Variants in MLXIPL observed in about 807,000 individuals in gnomAD.
MLXIPL encodes carbohydrate-responsive element-binding protein.
A neutral mutation model predicts 81.5 loss-of-function variants in MLXIPL; 49 were observed. The ratio of observed to expected loss-of-function variants is 0.60; its 90% CI spans 0.48 to 0.76. The LOEUF is 0.76. Ranked by LOEUF, MLXIPL falls within the 30% of genes least tolerant of loss-of-function variation. MLXIPL has a pLI of 0.00. For synonymous variants in MLXIPL, 466 were observed against 485.5 expected (o/e 0.96, Z 0.53); for missense variants, 1,053 against 1,167.0 (o/e 0.90, Z 1.42).
intron 1 of MLXIPL, among the ~76,000 whole-genome samples, chr7:73,620,848 C>T (rs562368965): frequency 6.6e-6 from 1 of 151,842 alleles, no homozygotes; most frequent in Non-Finnish European, 1.5e-5. Flanking sequence ...GTCAGGGGTT[C>T]GAGACCAGCC....
At chr7:73,631,809 TCTC>T in the MLXIPL span, among the ~76,000 whole-genome samples, 2 of 142,834 alleles carry the variant, frequency 1.4e-5, no homozygotes, top group Non-Finnish European at 3.1e-5. Context: ...TCCACTCCCT[TCTC>T]CTCTCTTCTC....
intron 2 of MLXIPL, among the ~76,000 whole-genome samples, chr7:73,612,642 CAAA>C (rs11343007): frequency 1.1e-4 from 12 of 113,024 alleles, no homozygotes; most frequent in Admixed American, 2.9e-4. Context: ...ACCCCCATCT[CAAA>C]AAAAAAAAAA....
At chr7:73,630,233 G>A in the MLXIPL span, among the ~76,000 whole-genome samples, 2 of 147,506 alleles carry the variant, frequency 1.4e-5, no homozygotes, top group Non-Finnish European at 3.0e-5. Flanking sequence ...TCTTGACCTC[G>A]TTATCTGCCC....
intron 1 of MLXIPL, among the ~76,000 whole-genome samples, chr7:73,619,317 C>T (rs1200527245): frequency 2.6e-5 from 4 of 151,932 alleles, no homozygotes; most frequent in Admixed American, 1.3e-4. Context: ...AAAAATTAGC[C>T]GGACGTGGTG....
the MLXIPL span, among the ~76,000 whole-genome samples, chr7:73,640,543 G>A: frequency 6.6e-6 from 1 of 152,100 alleles, no homozygotes; most frequent in Non-Finnish European, 1.5e-5. Flanking sequence ...TTGGGAGGCT[G>A]AGGCATGTGG....
chr7:73,640,215 G>A, the MLXIPL span, among the ~76,000 whole-genome samples: 10 of 151,340 alleles, frequency 6.6e-5, no homozygotes, highest in Non-Finnish European at 1.3e-4. Context: ...GACCAGCCTG[G>A]GCAACATGGC....
intron 7 of MLXIPL, among the ~76,000 whole-genome samples, chr7:73,601,614 T>C (rs1794830122): frequency 6.6e-6 from 1 of 152,126 alleles, no homozygotes; most frequent in African/African-American, 2.4e-5. Flanking sequence ...CACTGCAACC[T>C]CCACCTCCTG....
chr7:73,596,410 G>C lies in MLXIPL; in HGVS notation c.1892C>G (p.Ser631Cys), dbSNP rs368272974. The C allele has an allele frequency of 1.2e-6, 2 of 1,612,850 alleles. No homozygotes were observed. Among genetic ancestry groups the C allele is most frequent in the African/African-American group, 2.7e-5 (2 of 74,850 alleles). The stretch of plus-strand genomic sequence containing the variant: ...CCGGCTGAGGATGGGTTGCGGGGGA[G>C]AGACACGGACGCTCAGAGTCCCAGG... Reference protein sequence around the residue: ...PGPGTLSVRVSPPQPILSRGR... With the variant: ...PGPGTLSVRVCPPQPILSRGR... The change falls in exon 12 of 17, where the codon TCT becomes TGT. Residue 631 changes from serine to cysteine, a missense_variant. By Grantham distance (112) the Ser-to-Cys change is moderately radical. Transcript: ENST00000313375. The surrounding 1 kb of genome is among the most constrained non-coding windows in gnomAD (Gnocchi z 4.7).
At chr7:73,603,822 T>C (rs1406557673) in intron 7 of MLXIPL, among the ~76,000 whole-genome samples, 1 of 152,186 alleles carries the variant, frequency 6.6e-6, no homozygotes, top group Non-Finnish European at 1.5e-5. Flanking sequence ...TGTCCACATG[T>C]GCTTCTACTG....
intron 1 of MLXIPL, among the ~76,000 whole-genome samples, chr7:73,619,171 T>G (rs1295448448): frequency 6.6e-6 from 1 of 151,916 alleles, no homozygotes; most frequent in Non-Finnish European, 1.5e-5. Context: ...AGTTAAAAAG[T>G]TAGCTGGGGC....
chr7:73,595,805 G>A lies in MLXIPL; in HGVS notation c.2186+37C>T, dbSNP rs1554593467. On this transcript the variant is annotated intron_variant, in intron 14 of 16. Coordinates refer to ENST00000313375, the MANE Select transcript of MLXIPL (RefSeq NM_032951.3). ...CAGGGGCTGGGGGTAAGGCGGCATG[G>A]CCCCCTGGTCCCAGCACCCGCCTGG... 3 of 1,583,424 alleles carry A rather than the reference G, an allele frequency of 1.9e-6. No homozygotes were observed. In the African/African-American group the frequency reaches 4.0e-5, roughly 21 times the overall value.
intron 9 of MLXIPL, 73 bp downstream of exon 9, chr7:73,597,109 C>G (rs1003982657): frequency 2.0e-6 from 3 of 1,506,532 alleles, no homozygotes; most frequent in Admixed American, 3.9e-5. Context: ...ATCTTCTGCT[C>G]CCAAAACCCC....
chr7:73,615,939 G>T, intron 2 of MLXIPL, 132 bp downstream of exon 2: 2 of 628,602 alleles, frequency 3.2e-6, no homozygotes, highest in Non-Finnish European at 2.8e-6. Flanking sequence ...AAAAAAGGTT[G>T]GCAGAACTCT....
At chr7:73,604,875 C>T (rs2116330023) in intron 7 of MLXIPL, among the ~76,000 whole-genome samples, 1 of 152,176 alleles carries the variant, frequency 6.6e-6, no homozygotes, top group Non-Finnish European at 1.5e-5. Flanking sequence ...AGCAATTCTC[C>T]CACCTCAGCC....
In MLXIPL at chr7:73,599,515, G is replaced by C; in HGVS notation, c.1071+11C>G. 2.5e-6 allele frequency: 4 copies of C among 1,612,160 alleles called. No individual in the cohort carries two copies. The highest frequency in any genetic ancestry group is 3.4e-6 in the Non-Finnish European group (4 of 1,179,684). On this transcript the variant is annotated intron_variant, in intron 8 of 16. Coordinates refer to ENST00000313375, the MANE Select transcript of MLXIPL (RefSeq NM_032951.3). Reference sequence around the variant, plus strand: ...AGCTACACAGGGCTGGACGGGGTGGGGTGAGCTCACCTGCAGACGGCTGTG... The same window carrying C: ...AGCTACACAGGGCTGGACGGGGTGGCGTGAGCTCACCTGCAGACGGCTGTG...
At chr7:73,642,903 C>T in the MLXIPL span, among the ~76,000 whole-genome samples, 5 of 152,262 alleles carry the variant, frequency 3.3e-5, no homozygotes, top group African/African-American at 1.2e-4. Context: ...AGCTCCAATC[C>T]TCTAATCATG....
the MLXIPL span, among the ~76,000 whole-genome samples, chr7:73,640,871 C>T: frequency 1.3e-5 from 2 of 151,898 alleles, no homozygotes; most frequent in African/African-American, 2.4e-5. Context: ...GAGATTAATG[C>T]TCTCCAACAA....
the MLXIPL span, among the ~76,000 whole-genome samples, chr7:73,647,328 G>A: frequency 6.6e-6 from 1 of 152,120 alleles, no homozygotes; most frequent in African/African-American, 2.4e-5. Flanking sequence ...TCATCCCAGG[G>A]CCCACCTGGA....
chr7:73,625,253 G>C (rs1409113075), upstream of MLXIPL, among the ~76,000 whole-genome samples: 1 of 152,048 alleles, frequency 6.6e-6, no homozygotes, highest in Non-Finnish European at 1.5e-5. Flanking sequence ...GTTCTTTCAG[G>C]GGCACCCTCC....
Sources: allele counts gnomAD v4.1 joint callset (sites outside exome capture counted in the v4.1 genomes callset), GRCh38; gene constraint gnomAD v4.1.1; non-coding constraint Gnocchi (gnomAD v3.1); transcripts MANE v1.5; gene names NCBI Gene and HGNC (gene_info 2026-07-23, HGNC 2026-07-21).